The following RANBP17 variants were observed in gnomAD, a reference collection of about 807,000 sequenced individuals.
RANBP17 encodes ran-binding protein 17.
In RANBP17, 158 loss-of-function variants were observed where a neutral mutation model predicts 141.2. The ratio of observed to expected loss-of-function variants is 1.12; its 90% confidence interval spans 0.98 to 1.28. The LOEUF (loss-of-function observed/expected upper bound fraction) is 1.28, where lower values mean the gene tolerates loss of function less well. Ranked by LOEUF, RANBP17 falls within the 50% of genes most tolerant of loss-of-function variation. RANBP17 has a pLI of 0.00. For missense variants in RANBP17, 1,438 were observed against 1,290.7 expected, an observed-to-expected ratio of 1.11 and a Z score of -1.75; for synonymous variants, 430 against 450.0, an observed-to-expected ratio of 0.96 and a Z score of 0.56.
chr5:170,978,297 G>A (rs1422107952), intron 14 of RANBP17, among the ~76,000 whole-genome samples: 5 of 152,102 alleles, frequency 3.3e-5, no homozygotes, highest in Non-Finnish European at 2.9e-5. Flanking sequence ...ATTTGGCGAT[G>A]TACTAAAACT....
At chr5:170,875,294 T>A (rs1000518800) in intron 1 of RANBP17, among the ~76,000 whole-genome samples, 12 of 152,180 alleles carry the variant, frequency 7.9e-5, no homozygotes, top group African/African-American at 2.7e-4. Flanking sequence ...GAGGATCTAA[T>A]GATTATGTGT....
At chr5:171,131,124 TG>T (rs1756885944) in intron 14 of RANBP17, among the ~76,000 whole-genome samples, 1 of 152,206 alleles carries the variant, frequency 6.6e-6, no homozygotes, top group Non-Finnish European at 1.5e-5. Flanking sequence ...TCAGCTTTCT[TG>T]TCTACAAATT....
chr5:171,006,235 C>T (rs540426173), intron 14 of RANBP17, among the ~76,000 whole-genome samples: 3 of 152,310 alleles, frequency 2.0e-5, no homozygotes, highest in Admixed American at 2.0e-4. Context: ...ACCCAGCCAT[C>T]CCATTACTGG....
At position 171,088,491 on chromosome 5, in the gene RANBP17, T is replaced by C. The variant is rs537425380; in HGVS notation, c.1711-81639T>C. ...TCTTTGTGGCATTCTCTGTATTTCC[T>C]GAATCTGAATGTTGGCCTGCCTTGC... On this transcript the variant is annotated intron_variant, in intron 14 of 27. Coordinates refer to ENST00000523189, the MANE Select transcript of RANBP17 (RefSeq NM_022897.5). Among the ~76,000 whole-genome samples the C allele has an allele frequency of 4.6e-5, 7 of 152,320 alleles. No homozygotes were observed. In the East Asian group the frequency reaches 1.2e-3, roughly 25 times the overall value.
chr5:170,938,965 A>G (rs1774107040), intron 12 of RANBP17, among the ~76,000 whole-genome samples: 3 of 152,230 alleles, frequency 2.0e-5, no homozygotes, highest in African/African-American at 7.2e-5. Flanking sequence ...CATCAGAAAC[A>G]GAAAAACAAA....
At chr5:170,956,496 T>C (rs1325455086) in intron 13 of RANBP17, among the ~76,000 whole-genome samples, 6 of 152,052 alleles carry the variant, frequency 3.9e-5, no homozygotes, top group African/African-American at 1.4e-4. Flanking sequence ...CTTGAAAATA[T>C]GAATAACAGG....
intron 18 of RANBP17, among the ~76,000 whole-genome samples, chr5:171,184,369 A>G (rs1761086510): frequency 6.6e-6 from 1 of 152,196 alleles, no homozygotes; most frequent in South Asian, 2.1e-4. Flanking sequence ...TGTTAAGTGA[A>G]ATAAGCCAGG....
chr5:171,277,451 C>T (rs562888875), intron 25 of RANBP17, among the ~76,000 whole-genome samples: 2 of 151,120 alleles, frequency 1.3e-5, no homozygotes, highest in Non-Finnish European at 2.9e-5. Context: ...CTAAGCATTT[C>T]CTTCATTCTG....
intron 14 of RANBP17, among the ~76,000 whole-genome samples, chr5:171,097,494 G>A (rs920022459): frequency 1.3e-5 from 2 of 151,790 alleles, no homozygotes; most frequent in Non-Finnish European, 2.9e-5. Context: ...GAGTAAACAA[G>A]TCTGTAAATT....
chr5:170,891,527 AT>A (rs1769602559), intron 3 of RANBP17, among the ~76,000 whole-genome samples: 1 of 152,210 alleles, frequency 6.6e-6, no homozygotes, highest in Non-Finnish European at 1.5e-5. Context: ...AGACTGGGTG[AT>A]TTATAAAGAA....
chr5:170,994,046 C>G (rs931057642), intron 14 of RANBP17, among the ~76,000 whole-genome samples: 1 of 151,946 alleles, frequency 6.6e-6, no homozygotes, highest in Non-Finnish European at 1.5e-5. Flanking sequence ...CCATAGAAAC[C>G]TTTTCTGTGG....
chr5:171,258,562 C>T, intron 24 of RANBP17, among the ~76,000 whole-genome samples: 1 of 151,934 alleles, frequency 6.6e-6, no homozygotes, highest in East Asian at 1.9e-4. Context: ...GAATAGAGAG[C>T]CCAGAAATAA....
intron 12 of RANBP17, among the ~76,000 whole-genome samples, chr5:170,952,102 T>C (rs760077539): frequency 9.2e-5 from 14 of 152,046 alleles, no homozygotes; most frequent in Non-Finnish European, 1.8e-4. Context: ...AAAAAGCAGC[T>C]ACCACTTGAT....
At chr5:171,226,731 A>G (rs1456109776) in intron 22 of RANBP17, among the ~76,000 whole-genome samples, 4 of 152,210 alleles carry the variant, frequency 2.6e-5, no homozygotes, top group African/African-American at 9.7e-5. Context: ...TAGTTACACT[A>G]GACTTGTTCG....
At chr5:170,983,195 G>A in intron 14 of RANBP17, 1 of 440,894 alleles carries the variant, frequency 2.3e-6, no homozygotes, top group South Asian at 2.2e-5. Context: ...TCGGATAACA[G>A]CTGTGCCTCA....
At chr5:171,218,656 C>T (rs569734600) in intron 21 of RANBP17, among the ~76,000 whole-genome samples, 5 of 152,044 alleles carry the variant, frequency 3.3e-5, no homozygotes, top group South Asian at 2.1e-4. Context: ...CATTATATAA[C>T]GCCCTTCGTT....
At chr5:170,907,817 G>A (rs1304010058) in intron 5 of RANBP17, among the ~76,000 whole-genome samples, 1 of 151,872 alleles carries the variant, frequency 6.6e-6, no homozygotes, top group Non-Finnish European at 1.5e-5. Flanking sequence ...ATTGAGGAAA[G>A]TGTTGAGATT....
rs532718893 is a variant in RANBP17, at chr5:170,982,850, G to A, written c.1710+14473G>A. Among the ~76,000 whole-genome samples, 46 of 152,142 alleles carry A rather than the reference G, an allele frequency of 3.0e-4. 1 individual carries two copies. The South Asian group carries it at 9.3e-3, about 31-fold the overall frequency. On this transcript the variant is annotated intron_variant, in intron 14 of 27. Coordinates refer to ENST00000523189, the MANE Select transcript of RANBP17 (RefSeq NM_022897.5). ...CTTAAAGCTTCCAGAGAGAAGAGGG[G>A]TTACATTCAAAGGACTAAGAATGAA...
At chr5:170,970,373 A>G (rs1238497352) in intron 14 of RANBP17, 3 of 152,016 alleles carry the variant, frequency 2.0e-5, no homozygotes, top group Non-Finnish European at 4.4e-5. Flanking sequence ...ATTTAATTGT[A>G]TCATGTAGAG....
Sources: gnomAD v4.1 joint callset for allele counts (sites outside exome capture counted in the v4.1 genomes callset) on GRCh38, gnomAD v4.1.1 for gene constraint, MANE v1.5 for transcripts, NCBI Gene and HGNC (gene_info 2026-07-23, HGNC 2026-07-21) for gene names.